The following LRIT3 variants were observed in gnomAD, a reference collection of about 807,000 sequenced individuals.
LRIT3 encodes leucine rich repeat, Ig-like and transmembrane domains 3.
In LRIT3, 14 loss-of-function variants were observed where a neutral mutation model predicts 22.6. The ratio of observed to expected loss-of-function variants is 0.62; its 90% CI spans 0.41 to 0.97. LRIT3 has a LOEUF of 0.97. Among genes scored for constraint, LRIT3 ranks in the 50% least tolerant of loss-of-function variants. LRIT3 has a pLI of 0.00. For synonymous variants in LRIT3, 306 were observed against 304.5 expected (o/e 1.01, Z -0.05); for missense variants, 783 against 803.0 (o/e 0.98, Z 0.30).
chr4:109,868,678 T>C (rs577373155), intron 3 of LRIT3, among the ~76,000 whole-genome samples: 20 of 152,198 alleles, frequency 1.3e-4, no homozygotes, highest in African/African-American at 3.9e-4. Context: ...TTTAGAAATA[T>C]TGATTATATA....
chr4:109,857,308 G>A (rs567219247), intron 2 of LRIT3, among the ~76,000 whole-genome samples: 2 of 147,998 alleles, frequency 1.4e-5, no homozygotes, highest in East Asian at 2.1e-4. Context: ...AGGTGGCAGG[G>A]GGACATTAGC....
rs766909682 is a variant in LRIT3, at chr4:109,870,697, G to A, written c.1948G>A (p.Asp650Asn). The stretch of plus-strand genomic sequence containing the variant: ...GCTCTGGACACGAAGCCACAGGGAT[G>A]ACTCAGAGAAATTGCTGCTTTGTTC... The part of the protein sequence containing the change: ...GELWTRSHRD[D>N]SEKLLLCSRS... Residue 650 changes from aspartate to asparagine, a missense_variant, in exon 4 of 4, where the codon GAC (aspartate) becomes AAC (asparagine). Physicochemically the swap from Asp to Asn is conservative, Grantham distance 23. This residue lies in a region of LRIT3 where 756 missense variants were observed against 753.8 expected (regional missense o/e 1.00). Coordinates refer to ENST00000594814, the MANE Select transcript of LRIT3 (RefSeq NM_198506.5). The A allele has an allele frequency of 1.1e-5, 18 of 1,614,134 alleles. No homozygotes were observed. In the South Asian group the frequency reaches 1.8e-4, roughly 16 times the overall value.
At chr4:109,868,855 C>A (rs192146341) in intron 3 of LRIT3, among the ~76,000 whole-genome samples, 78 of 152,078 alleles carry the variant, frequency 5.1e-4, no homozygotes, top group African/African-American at 1.8e-3. Flanking sequence ...CCTAATGTTC[C>A]TATATATAGG....
At chr4:109,850,692 G>C (rs908926940) in intron 1 of LRIT3, among the ~76,000 whole-genome samples, 1 of 151,662 alleles carries the variant, frequency 6.6e-6, no homozygotes, top group African/African-American at 2.4e-5. Context: ...GGCCAGGCTG[G>C]TCTCAAACAT....
chr4:109,860,678 A>G (rs1734514895), intron 2 of LRIT3, among the ~76,000 whole-genome samples: 1 of 152,230 alleles, frequency 6.6e-6, no homozygotes. Flanking sequence ...GAATATTTCC[A>G]TGACCTCAGA....
chr4:109,866,786 C>G (rs1308704300), intron 2 of LRIT3, among the ~76,000 whole-genome samples: 1 of 152,218 alleles, frequency 6.6e-6, no homozygotes, highest in Non-Finnish European at 1.5e-5. Context: ...TCACTGATAG[C>G]CTTCCTGAAG....
intron 2 of LRIT3, among the ~76,000 whole-genome samples, chr4:109,855,172 G>A (rs892157073): frequency 4.6e-5 from 7 of 152,040 alleles, no homozygotes; most frequent in Admixed American, 1.3e-4. Flanking sequence ...CTGGTCCTGG[G>A]CTGTTTTTGG....
At position 109,869,523 on chromosome 4, in the gene LRIT3, A is replaced by T. The variant is rs555060291; in HGVS notation, c.896-122A>T. On this transcript the variant is annotated intron_variant, in intron 3 of 3. Coordinates refer to ENST00000594814, the MANE Select transcript of LRIT3 (RefSeq NM_198506.5). ...CACTGTCAGAGACTTGCAGGGTGCC[A>T]TTTCCCTCTTGGCTTCTGTGAGAGG... is the stretch of plus-strand genomic sequence containing the variant. 3.7e-5 allele frequency: 35 copies of T among 944,578 alleles called. No homozygotes were observed. In the African/African-American group the frequency reaches 4.8e-4, roughly 13 times the overall value. The allele number at this position is 944,578 out of a possible 1,614,324, so 58.5% of individuals were successfully genotyped here.
At chr4:109,865,467 A>G (rs1734654255) in intron 2 of LRIT3, among the ~76,000 whole-genome samples, 2 of 152,188 alleles carry the variant, frequency 1.3e-5, no homozygotes, top group Non-Finnish European at 2.9e-5. Context: ...ATCAGATCAT[A>G]TCTCCACCAT....
intron 1 of LRIT3, among the ~76,000 whole-genome samples, chr4:109,850,414 C>CTTTCTTTCTCTTTCTTT (rs1560588921): frequency 4.2e-4 from 5 of 11,770 alleles, no homozygotes; most frequent in South Asian, 3.8e-3. Flanking sequence ...TTCCTTCCTT[C>CTTTCTTTCTCTTTCTTT]CTTCCTTCCT....
At chr4:109,861,271 T>C (rs929765576) in intron 2 of LRIT3, among the ~76,000 whole-genome samples, 3 of 151,118 alleles carry the variant, frequency 2.0e-5, no homozygotes, top group Non-Finnish European at 2.9e-5. Context: ...TCAGGTGAGG[T>C]AGGAGAAACC....
rs1315800480 is a variant in LRIT3, at chr4:109,872,038, G to C, written c.*1249G>C. The stretch of plus-strand genomic sequence containing the variant: ...GGCCTAGGGATTTCCAGAAGACAAG[G>C]CCACCTCAGCACAGATGCAACTTTC... On this transcript the variant is annotated 3_prime_UTR_variant, in exon 4 of 4. Coordinates refer to ENST00000594814, the MANE Select transcript of LRIT3 (RefSeq NM_198506.5). The C allele has an allele frequency of 6.6e-6, 1 of 152,132 alleles. No homozygotes were observed. Among genetic ancestry groups the C allele is most frequent in the Non-Finnish European group, 1.5e-5 (1 of 68,038 alleles). The allele number at this position is 152,132 out of a possible 1,614,324, so 9.4% of individuals were successfully genotyped here.
At chr4:109,864,695 A>G (rs1401504684) in intron 2 of LRIT3, among the ~76,000 whole-genome samples, 2 of 152,226 alleles carry the variant, frequency 1.3e-5, no homozygotes, top group Non-Finnish European at 2.9e-5. Flanking sequence ...AAATACATGT[A>G]CAAAGTAAAA....
intron 1 of LRIT3, 49 bp downstream of exon 1, chr4:109,848,366 G>A (rs1255416698): frequency 9.4e-7 from 1 of 1,058,740 alleles, no homozygotes; most frequent in African/African-American, 1.6e-5. Context: ...TTGACAAAAA[G>A]GACCCAAACA....
intron 2 of LRIT3, among the ~76,000 whole-genome samples, chr4:109,859,877 C>G (rs944153282): frequency 1.4e-4 from 22 of 152,204 alleles, no homozygotes; most frequent in Non-Finnish European, 2.5e-4. Flanking sequence ...TTTGTACTTA[C>G]AATAATCAGG....
At position 109,851,797 on chromosome 4, in the gene LRIT3, A is replaced by C. The variant is rs1325071756; in HGVS notation, c.410A>C (p.His137Pro). The C allele has an allele frequency of 1.3e-6, 2 of 1,551,644 alleles. No homozygotes were observed. The highest frequency in any genetic ancestry group is 1.7e-6 in the Non-Finnish European group (2 of 1,147,014). Reference sequence around the variant, plus strand: ...CCCCTTCTGAGGACCCTGGACTTGCACAATAACAAAATAACCAGTGTGCCA... The same window carrying C: ...CCCCTTCTGAGGACCCTGGACTTGCCCAATAACAAAATAACCAGTGTGCCA... ...DMPLLRTLDLHNNKITSVPNE... is the reference protein window; with the variant it reads ...DMPLLRTLDLPNNKITSVPNE... The change falls in exon 2 of 4, where the codon CAC (histidine) becomes CCC (proline). Residue 137 changes from histidine (H) to proline (P), a missense_variant. Physicochemically the swap from His to Pro is moderately conservative, Grantham distance 77. Transcript: ENST00000594814.
chr4:109,870,770 G>A lies in LRIT3; in HGVS notation c.2021G>A (p.Arg674Lys). The change falls in exon 4 of 4, where the codon AGA (arginine) becomes AAA (lysine). Residue 674 changes from arginine (R) to lysine (K), a missense_variant. Transcript: ENST00000594814. ...SQVTFKSEGS[R>K]PEYYC ...GTGACTTTTAAAAGTGAAGGTTCCA[G>A]ACCAGAGTATTATTGCTAAGGTTCT... 6.2e-7 allele frequency: 1 copy of A among 1,604,520 alleles called. No homozygotes were observed. The highest frequency in any genetic ancestry group is 2.2e-5 in the East Asian group (1 of 44,718).
intron 2 of LRIT3, among the ~76,000 whole-genome samples, chr4:109,858,764 T>C (rs1372862645): frequency 6.6e-6 from 1 of 152,188 alleles, no homozygotes; most frequent in Non-Finnish European, 1.5e-5. Flanking sequence ...TTTGTTTAAG[T>C]AATTGTAATT....
chr4:109,856,283 C>G (rs1334473873), intron 2 of LRIT3, among the ~76,000 whole-genome samples: 1 of 152,158 alleles, frequency 6.6e-6, no homozygotes, highest in Non-Finnish European at 1.5e-5. Context: ...CTCCCTACAT[C>G]TCCTCATTTT....
Sources: gnomAD v4.1 joint callset for allele counts (sites outside exome capture counted in the v4.1 genomes callset) on GRCh38, gnomAD v4.1.1 for gene constraint, gnomAD v4.1.1 regional missense constraint, MANE v1.5 for transcripts, NCBI Gene and HGNC (gene_info 2026-07-23, HGNC 2026-07-21) for gene names.